The following PLEKHA6 variants were observed in gnomAD, a reference collection of about 807,000 sequenced individuals.
PLEKHA6 encodes the protein pleckstrin homology domain containing A6, also known as pleckstrin homology domain-containing family A member 6.
In PLEKHA6, 60 loss-of-function variants were observed where a neutral mutation model predicts 116.7. The observed-to-expected ratio is 0.51, with a 90% CI of 0.42 to 0.64. The LOEUF (loss-of-function observed/expected upper bound fraction) is 0.64. Ranked by LOEUF, PLEKHA6 falls within the 30% of genes least tolerant of loss-of-function variation. The pLI is 0.00. For missense variants in PLEKHA6, 1,338 were observed against 1,422.7 expected, an observed-to-expected ratio of 0.94 and a Z score of 0.96; for synonymous variants, 489 against 556.1, an observed-to-expected ratio of 0.88 and a Z score of 1.70.
At position 204,261,007 on chromosome 1, in the gene PLEKHA6, C is replaced by T. The variant is rs776186955; in HGVS notation, c.524+299G>A. 7.2e-5 allele frequency among the ~76,000 whole-genome samples: 11 copies of T among 152,260 alleles called. No individual in the cohort carries two copies. The highest frequency in any genetic ancestry group is 1.3e-4 in the Non-Finnish European group (9 of 68,020). ...AGGCGGTGTGCTTAACACACACAGC[C>T]GAGAAAAACCAGCAAATGACCCTGA... On this transcript the variant is annotated intron_variant, in intron 7 of 22. Transcript: ENST00000272203. The surrounding 1 kb of genome is among the most constrained non-coding windows in gnomAD (Gnocchi z 4.0).
chr1:204,364,372 T>TAA, upstream of PLEKHA6, among the ~76,000 whole-genome samples: 1 of 152,360 alleles, frequency 6.6e-6, no homozygotes, highest in South Asian at 2.1e-4. Flanking sequence ...GCCATCATGC[T>TAA]AAGAGCAAAG....
At chr1:204,237,686 G>A (rs1219442427) in intron 17 of PLEKHA6, among the ~76,000 whole-genome samples, 1 of 152,192 alleles carries the variant, frequency 6.6e-6, no homozygotes, top group Non-Finnish European at 1.5e-5. Context: ...CCCACCAGAA[G>A]CAATTTGCCT....
chr1:204,344,153 T>C lies in PLEKHA6; in HGVS notation c.-95+15541A>G, dbSNP rs1572210148. Among the ~76,000 whole-genome samples the C allele has an allele frequency of 5.3e-5, 8 of 152,144 alleles. No individual in the cohort carries two copies. The South Asian group carries it at 1.7e-3, about 32-fold the overall frequency. On this transcript the variant is annotated intron_variant, in intron 1 of 22. Transcript: ENST00000272203. ...AATAAAGAAACTTGGCCAGGATGCCTGCAATTTGAGCCAAGGGAAGAGTTG... is the reference window on the plus strand; with the variant it reads ...AATAAAGAAACTTGGCCAGGATGCCCGCAATTTGAGCCAAGGGAAGAGTTG...
At chr1:204,253,041 G>A (rs1664774915) in intron 9 of PLEKHA6, among the ~76,000 whole-genome samples, 1 of 152,238 alleles carries the variant, frequency 6.6e-6, no homozygotes, top group Non-Finnish European at 1.5e-5. Flanking sequence ...GCTACCTTCT[G>A]TCTCTTCAAA....
chr1:204,225,612 A>G (rs1660236933), intron 21 of PLEKHA6, among the ~76,000 whole-genome samples: 1 of 152,262 alleles, frequency 6.6e-6, no homozygotes, highest in South Asian at 2.1e-4. Context: ...AAAGCCAATC[A>G]CACATAAATA....
chr1:204,326,973 G>A (rs1007548480), intron 1 of PLEKHA6: 168 of 985,234 alleles, frequency 1.7e-4, no homozygotes, highest in Non-Finnish European at 2.0e-4. Flanking sequence ...AGGCAGAAGC[G>A]CGCTGGGTAC....
Position 204,257,698 on chromosome 1 carries a change from G to C in PLEKHA6, c.1179C>G (p.Arg393=), listed in dbSNP as rs1254018620. ...ISPPWALEDK[R]HAFRNGGGPA... ...GGCCACCCCCATTGCGGAAGGCATGGCGCTTGTCCTCCAGGGCCCAGGGCG... is the reference window on the plus strand; with the variant it reads ...GGCCACCCCCATTGCGGAAGGCATGCCGCTTGTCCTCCAGGGCCCAGGGCG... The change falls in exon 9 of 23, where the codon CGC becomes CGG. Residue 393 remains arginine (R), a synonymous_variant. Transcript: ENST00000272203. The surrounding 1 kb of genome is among the most constrained non-coding windows in gnomAD (Gnocchi z 6.5). 9 of 1,612,074 alleles carry C rather than the reference G, an allele frequency of 5.6e-6. No individual in the cohort carries two copies. In the East Asian group the frequency reaches 8.9e-5, roughly 16 times the overall value.
intron 1 of PLEKHA6, chr1:204,317,360 G>C (rs1363476338): frequency 5.1e-6 from 1 of 194,328 alleles, no homozygotes; most frequent in Admixed American, 6.5e-5. Flanking sequence ...CAGCAGCCAG[G>C]CCTCTTCGGA....
intron 1 of PLEKHA6, among the ~76,000 whole-genome samples, chr1:204,339,372 C>T (rs1672768921): frequency 6.6e-6 from 1 of 152,186 alleles, no homozygotes. Flanking sequence ...TTTTGGGTGG[C>T]CTGCTATGCG....
rs534741556 is a variant in PLEKHA6 at position 204,225,409 on chromosome 1, A to G, written c.3032-1824T>C. Among the ~76,000 whole-genome samples the G allele has an allele frequency of 2.0e-5, 3 of 152,378 alleles. No homozygotes were observed. In the South Asian group the frequency reaches 6.2e-4, roughly 32 times the overall value. On this transcript the variant is annotated intron_variant, in intron 21 of 22. Coordinates refer to ENST00000272203, the MANE Select transcript of PLEKHA6 (RefSeq NM_014935.5). ...TGCATATGCTGCAGATGTGAATCAT[A>G]CAGATGTGATATTATAATGTGTGCA... is the stretch of plus-strand genomic sequence containing the variant.
intron 3 of PLEKHA6, among the ~76,000 whole-genome samples, chr1:204,269,469 C>T (rs2102867534): frequency 6.7e-6 from 1 of 149,432 alleles, no homozygotes. Flanking sequence ...ATCACACTGC[C>T]ATACAGATGA....
chr1:204,280,710 G>A (rs1305908094), intron 1 of PLEKHA6, among the ~76,000 whole-genome samples: 1 of 152,212 alleles, frequency 6.6e-6, no homozygotes, highest in Non-Finnish European at 1.5e-5. Flanking sequence ...TGCCACAGAG[G>A]AGGGGAAGGT....
Position 204,267,518 on chromosome 1 carries a change from C to T in PLEKHA6, c.237G>A (p.Lys79=). Residue 79 remains lysine, a synonymous_variant, in exon 5 of 23, where the codon AAG becomes AAA. Transcript: ENST00000272203. ...QASSGVKQWN[K]RWFVLVDRCL... Reference sequence around the variant, plus strand: ...AGCGATCCACCAGGACGAACCAGCGCTTGTTCCACTGCTTAACCCCGGAGC... The same window carrying T: ...AGCGATCCACCAGGACGAACCAGCGTTTGTTCCACTGCTTAACCCCGGAGC... 2 of 1,614,136 alleles carry T rather than the reference C, an allele frequency of 1.2e-6. No individual in the cohort carries two copies. Among genetic ancestry groups the T allele is most frequent in the South Asian group, 2.2e-5 (2 of 91,082 alleles).
At chr1:204,362,106 T>C (rs1271300094), upstream of PLEKHA6, among the ~76,000 whole-genome samples, 1 of 151,980 alleles carries the variant, frequency 6.6e-6, no homozygotes, top group African/African-American at 2.4e-5. Context: ...GGAGGGTCGG[T>C]GTGGGGTGCA....
chr1:204,321,307 G>C (rs574106140), intron 1 of PLEKHA6, among the ~76,000 whole-genome samples: 6 of 152,072 alleles, frequency 3.9e-5, no homozygotes, highest in Non-Finnish European at 5.9e-5. Flanking sequence ...CATAAGGATG[G>C]GAGCAAGGAG....
chr1:204,378,038 C>T (rs954403863), upstream of PLEKHA6: 16 of 152,418 alleles, frequency 1.0e-4, no homozygotes, highest in African/African-American at 3.8e-4. Context: ...TGTTAACGGG[C>T]AGCGCTGGGT....
At chr1:204,338,670 G>A (rs1242036061) in intron 1 of PLEKHA6, among the ~76,000 whole-genome samples, 1 of 152,206 alleles carries the variant, frequency 6.6e-6, no homozygotes, top group Non-Finnish European at 1.5e-5. Flanking sequence ...GATAAAGACA[G>A]GGAGACTTGT....
chr1:204,256,829 T>A (rs1395074251), intron 9 of PLEKHA6: 1 of 656,086 alleles, frequency 1.5e-6, no homozygotes. Context: ...TGGGGGATGG[T>A]GGGTAGTTGT....
At chr1:204,222,957 A>G (rs1378953324) in intron 22 of PLEKHA6, among the ~76,000 whole-genome samples, 178 bp from the exon 23 acceptor site, 1 of 152,158 alleles carries the variant, frequency 6.6e-6, no homozygotes, top group African/African-American at 2.4e-5. Context: ...TACTTGACTG[A>G]GAGTGAGCGG....
Sources: gnomAD v4.1 joint callset for allele counts (sites outside exome capture counted in the v4.1 genomes callset) on GRCh38, gnomAD v4.1.1 for gene constraint, Gnocchi (gnomAD v3.1) non-coding constraint, MANE v1.5 for transcripts, NCBI Gene and HGNC (gene_info 2026-07-23, HGNC 2026-07-21) for gene names.